The following UBA1 variants were observed in gnomAD, a reference collection of about 807,000 sequenced individuals.
UBA1 encodes the protein ubiquitin like modifier activating enzyme 1, also known as ubiquitin-like modifier-activating enzyme 1.
A neutral mutation model predicts 84.7 loss-of-function variants in UBA1; 4 were observed. That is an observed-to-expected ratio of 0.05 (90% CI 0.02 to 0.11). UBA1 has a LOEUF of 0.11. Among genes scored for constraint, UBA1 ranks in the 10% least tolerant of loss-of-function variants. The pLI is 1.00. For synonymous variants in UBA1, 364 were observed against 362.6 expected (o/e 1.00, Z -0.04); for missense variants, 513 against 902.8 (o/e 0.57, Z 5.53).
Position 47,212,481 on chromosome X carries a change from G to T in UBA1, c.2522G>T (p.Gly841Val), listed in dbSNP as rs782489376. ...ATLPSPDKLP[G>V]FKMYPIDFEK... ...CTGCCCAGCCCAGACAAGCTCCCTG[G>T]ATTCAAGATGTACCCCATTGACTTT... The change falls in exon 21 of 26, where the codon GGA becomes GTA. Residue 841 changes from glycine (G) to valine (V), a missense_variant. This residue lies in a region of UBA1 where 151 missense variants were observed against 260.1 expected (regional missense o/e 0.58). Coordinates refer to ENST00000335972, the MANE Select transcript of UBA1 (RefSeq NM_003334.4). 7 of 1,210,740 alleles carry T rather than the reference G, an allele frequency of 5.8e-6. No individual in the cohort carries two copies. The highest frequency in any genetic ancestry group is 7.8e-6 in the Non-Finnish European group (7 of 894,759).
Position 47,200,896 on chromosome X carries a change from G to A in UBA1, c.483G>A (p.Val161=). The change falls in exon 6 of 26, where the codon GTG becomes GTA. Residue 161 remains valine, a splice_region_variant and synonymous_variant. Coordinates refer to ENST00000335972, the MANE Select transcript of UBA1 (RefSeq NM_003334.4). Reference sequence around the variant, plus strand: ...CCTGAGCCTCCATCTCTCCACAGGTGGTGGTGCTCACCAACACCCCCCTGG... The same window carrying A: ...CCTGAGCCTCCATCTCTCCACAGGTAGTGGTGCTCACCAACACCCCCCTGG... ...LVEDFLSGFQ[V]VVLTNTPLED... 1 of 1,190,638 alleles carries A rather than the reference G, an allele frequency of 8.4e-7. No homozygotes were observed. The highest frequency in any genetic ancestry group is 1.8e-5 in the South Asian group (1 of 54,219).
chrX:47,202,119 A>G (rs1556788314), intron 8 of UBA1, 37 bp from the exon 9 acceptor site: 1 of 1,124,550 alleles, frequency 8.9e-7, no homozygotes, highest in Non-Finnish European at 1.2e-6. Flanking sequence ...TTTAGGGAGA[A>G]TGGGTAGACT....
Position 47,202,247 on chromosome X carries a change from T to G in UBA1, c.903T>G (p.Ile301Met). The G allele has an allele frequency of 8.3e-7, 1 of 1,208,782 alleles. No individual in the cohort carries two copies. The highest frequency in any genetic ancestry group is 1.1e-6 in the Non-Finnish European group (1 of 893,705). Residue 301 changes from isoleucine to methionine, a missense_variant, in exon 9 of 26, where the codon ATT becomes ATG. By Grantham distance (10) the Ile-to-Met change is conservative (BLOSUM62 1). Around this residue, in one of 6 missense-constraint regions of UBA1, gnomAD observed 227 missense variants for 339.1 expected, o/e 0.67. Coordinates refer to ENST00000335972, the MANE Select transcript of UBA1 (RefSeq NM_003334.4). The stretch of plus-strand genomic sequence containing the variant: ...GTCAGGTCAAAGTACCTAAGAAGAT[T>G]AGCTTTGTGAGTGTGTCGATGGGAT... Reference protein sequence around the residue: ...IVSQVKVPKKISFKSLVASLA... With the variant: ...IVSQVKVPKKMSFKSLVASLA...
chrX:47,211,395 G>A (rs1290598393), intron 20 of UBA1, among the ~76,000 whole-genome samples, 170 bp downstream of exon 20: 1 of 111,523 alleles, frequency 9.0e-6, no homozygotes, highest in Non-Finnish European at 1.9e-5. Context: ...GTAGGTTGGG[G>A]CAAATTATCT....
rs1486395654 is a variant in UBA1 at position 47,209,702 on chromosome X, T to C, written c.2003+15T>C. On this transcript the variant is annotated intron_variant, in intron 17 of 25. Transcript: ENST00000335972. ...CAGTACCTCACGTGAGTAACTCGAGTGCCCTCTCGCCCTGTCCCTGTCCAC... is the reference window on the plus strand; with the variant it reads ...CAGTACCTCACGTGAGTAACTCGAGCGCCCTCTCGCCCTGTCCCTGTCCAC... 17 of 1,204,587 alleles carry C rather than the reference T, an allele frequency of 1.4e-5. No individual in the cohort carries two copies. The highest frequency in any genetic ancestry group is 1.9e-5 in the Non-Finnish European group (17 of 890,895).
intron 5 of UBA1, among the ~76,000 whole-genome samples, chrX:47,200,038 G>A (rs1030991206): frequency 2.7e-5 from 3 of 110,456 alleles, no homozygotes; most frequent in East Asian, 2.9e-4. Flanking sequence ...GCCCGCCTCC[G>A]CCTCCCAAAG....
intron 1 of UBA1, among the ~76,000 whole-genome samples, chrX:47,196,501 T>C (rs1936211157): frequency 9.0e-6 from 1 of 111,436 alleles, no homozygotes; most frequent in Admixed American, 9.5e-5. Context: ...CAGCTCAGCT[T>C]TGCCAAACAG....
At position 47,206,003 on chromosome X, in the gene UBA1, G is replaced by A. The variant is rs1556790802; in HGVS notation, c.1631G>A (p.Arg544Gln). Residue 544 changes from arginine (R) to glutamine (Q), a missense_variant, in exon 15 of 26, where the codon CGG becomes CAG. Physicochemically the swap from Arg to Gln is conservative, Grantham distance 43. Coordinates refer to ENST00000335972, the MANE Select transcript of UBA1 (RefSeq NM_003334.4). Reference protein sequence around the residue: ...AAVRQMNPHIRVTSHQNRVGP... With the variant: ...AAVRQMNPHIQVTSHQNRVGP... ...GTGCGCCAAATGAATCCACATATCC[G>A]GGTGACAAGCCACCAGAACCGTGTG... 8 of 1,205,025 alleles carry A rather than the reference G, an allele frequency of 6.6e-6. No individual in the cohort carries two copies. The highest frequency in any genetic ancestry group is 9.0e-6 in the Non-Finnish European group (8 of 892,067).
intron 1 of UBA1, among the ~76,000 whole-genome samples, chrX:47,195,311 G>A (rs1279778038): frequency 9.1e-6 from 1 of 110,382 alleles, no homozygotes; most frequent in African/African-American, 3.3e-5. Context: ...GTGCAGTGGC[G>A]CCATCTCAGC....
chrX:47,208,192 C>G (rs1414700781), intron 16 of UBA1, among the ~76,000 whole-genome samples: 1 of 112,906 alleles, frequency 8.9e-6, no homozygotes, highest in Non-Finnish European at 1.9e-5. Context: ...TGAGACAGGT[C>G]TCATTCTGCC....
chrX:47,202,101 T>G, intron 8 of UBA1, 55 bp from the exon 9 acceptor site: 1 of 1,012,204 alleles, frequency 9.9e-7, no homozygotes, highest in Non-Finnish European at 1.4e-6. Flanking sequence ...CTTGCAGGGG[T>G]TGTGGATTTT....
intron 20 of UBA1, 55 bp downstream of exon 20, chrX:47,211,280 C>G: frequency 8.7e-7 from 1 of 1,150,493 alleles, no homozygotes; most frequent in Non-Finnish European, 1.2e-6. Context: ...CCGGCCTAGT[C>G]CAGCCTCCCC....
intron 5 of UBA1, among the ~76,000 whole-genome samples, chrX:47,199,868 C>T (rs782464579): frequency 3.8e-4 from 41 of 109,000 alleles, no homozygotes; most frequent in African/African-American, 1.2e-3. Context: ...CTGCAAGCTA[C>T]ACCTCCTGGG....
chrX:47,207,296 A>G (rs782318757), intron 16 of UBA1, among the ~76,000 whole-genome samples: 3 of 111,848 alleles, frequency 2.7e-5, no homozygotes, highest in Non-Finnish European at 5.6e-5. Context: ...GGGGTGTCCA[A>G]TCATTTGGCT....
intron 23 of UBA1, among the ~76,000 whole-genome samples, chrX:47,213,760 G>A (rs781784826): frequency 1.8e-5 from 2 of 109,557 alleles, no homozygotes; most frequent in Non-Finnish European, 3.8e-5. Context: ...CCAGCTACTC[G>A]GGAGGCTGAG....
At chrX:47,202,109 T>C (rs782766592) in intron 8 of UBA1, 47 bp from the exon 9 acceptor site, 1 of 1,093,564 alleles carries the variant, frequency 9.1e-7, no homozygotes, top group Non-Finnish European at 1.3e-6. Context: ...GGTTGTGGAT[T>C]TTAGGGAGAA....
chrX:47,204,150 T>G (rs1209218750), intron 14 of UBA1, among the ~76,000 whole-genome samples: 6 of 94,364 alleles, frequency 6.4e-5, no homozygotes, highest in Middle Eastern at 5.2e-3. Context: ...TTTTTTTTTT[T>G]TTTTTTTTTT....
intron 16 of UBA1, chrX:47,209,065 C>A (rs1602650165): frequency 7.9e-6 from 1 of 126,755 alleles, no homozygotes; most frequent in African/African-American, 3.2e-5. Context: ...CACTCCAGCT[C>A]GGGTGACAGT....
intron 14 of UBA1, among the ~76,000 whole-genome samples, chrX:47,204,153 T>G (rs1223281280): frequency 7.3e-5 from 7 of 95,281 alleles, no homozygotes; most frequent in Non-Finnish European, 1.3e-4. Flanking sequence ...TTTTTTTTTT[T>G]TTTTTTTTTT....
Sources: allele counts gnomAD v4.1 joint callset (sites outside exome capture counted in the v4.1 genomes callset), GRCh38; gene constraint gnomAD v4.1.1; regional missense constraint gnomAD v4.1.1; transcripts MANE v1.5; gene names NCBI Gene and HGNC (gene_info 2026-07-23, HGNC 2026-07-21).